Variants in NXPH1 observed in about 807,000 individuals in gnomAD.
NXPH1 encodes the protein neurexophilin-1.
NXPH1 carries 5 observed loss-of-function variants against 23.7 expected under a neutral mutation model. That is an observed-to-expected ratio of 0.21 (90% confidence interval 0.11 to 0.44). NXPH1 has a LOEUF of 0.44. Among genes scored for constraint, NXPH1 ranks in the 20% least tolerant of loss-of-function variants. NXPH1 has a pLI of 0.99. For synonymous variants in NXPH1, 144 were observed against 122.2 expected, an observed-to-expected ratio of 1.18 and a Z score of -1.18; for missense variants, 324 against 321.6, an observed-to-expected ratio of 1.01 and a Z score of -0.06.
intron 2 of NXPH1, among the ~76,000 whole-genome samples, chr7:8,687,444 T>G (rs956611151): frequency 1.3e-5 from 2 of 152,180 alleles, no homozygotes; most frequent in Non-Finnish European, 1.5e-5. Context: ...AAAGTCAACA[T>G]GTAGACATTT....
At chr7:8,671,692 A>C (rs1820871629) in intron 2 of NXPH1, among the ~76,000 whole-genome samples, 1 of 152,188 alleles carries the variant, frequency 6.6e-6, no homozygotes, top group African/African-American at 2.4e-5. Flanking sequence ...TTGTTCAGAA[A>C]AATTGGGTCT....
chr7:8,465,844 A>G (rs992563236), intron 2 of NXPH1, among the ~76,000 whole-genome samples: 27 of 152,194 alleles, frequency 1.8e-4, no homozygotes, highest in Non-Finnish European at 3.4e-4. Flanking sequence ...AACAGAAGTG[A>G]TGGTGTTGGC....
rs567574081 is a variant in NXPH1, at chr7:8,668,710, C to G, written c.55-82298C>G. Among the ~76,000 whole-genome samples the G allele has an allele frequency of 2.0e-5, 3 of 152,128 alleles. No homozygotes were observed. The East Asian group carries it at 5.8e-4, about 29-fold the overall frequency. The stretch of plus-strand genomic sequence containing the variant: ...AGGACCTGGGTCTACTAGAACAGGC[C>G]TGGAGCCTGAGTTCATAGGGTCTGG... On this transcript the variant is annotated intron_variant, in intron 2 of 2. Transcript: ENST00000405863.
At chr7:8,483,122 T>C (rs1817102306) in intron 2 of NXPH1, among the ~76,000 whole-genome samples, 5 of 152,114 alleles carry the variant, frequency 3.3e-5, no homozygotes, top group South Asian at 2.1e-4. Flanking sequence ...GTAACAGTTA[T>C]ATACTAGGTG....
chr7:8,642,483 G>A (rs1820332410), intron 2 of NXPH1, among the ~76,000 whole-genome samples: 1 of 151,994 alleles, frequency 6.6e-6, no homozygotes, highest in South Asian at 2.1e-4. Flanking sequence ...GATTTTTTGA[G>A]GATGAGGGTG....
intron 2 of NXPH1, among the ~76,000 whole-genome samples, chr7:8,715,931 A>G (rs1779868768): frequency 6.6e-6 from 1 of 150,686 alleles, no homozygotes; most frequent in South Asian, 2.1e-4. Flanking sequence ...GTATATTTAC[A>G]TATACATATA....
intron 2 of NXPH1, among the ~76,000 whole-genome samples, chr7:8,603,670 G>T (rs988141943): frequency 7.2e-5 from 11 of 151,822 alleles, no homozygotes; most frequent in Admixed American, 6.6e-5. Context: ...TACTGTTTTT[G>T]GTTGTTCTCT....
intron 2 of NXPH1, among the ~76,000 whole-genome samples, chr7:8,609,157 A>T (rs1194802443): frequency 2.0e-5 from 3 of 152,160 alleles, no homozygotes; most frequent in Non-Finnish European, 4.4e-5. Context: ...CCAAAGATAT[A>T]TCTCTGGCTT....
chr7:8,504,842 C>A (rs1218691371), intron 2 of NXPH1, among the ~76,000 whole-genome samples: 1 of 152,042 alleles, frequency 6.6e-6, no homozygotes, highest in Non-Finnish European at 1.5e-5. Flanking sequence ...CAACTGAAAA[C>A]CAGGAAGCAG....
chr7:8,749,446 C>T (rs1025188150), intron 2 of NXPH1, among the ~76,000 whole-genome samples: 9 of 152,156 alleles, frequency 5.9e-5, no homozygotes, highest in Non-Finnish European at 8.8e-5. Context: ...CTTTCAGTAA[C>T]AAGTGGTTGA....
chr7:8,739,242 C>T (rs1221474332), intron 2 of NXPH1, among the ~76,000 whole-genome samples: 3 of 148,790 alleles, frequency 2.0e-5, no homozygotes, highest in Non-Finnish European at 1.5e-5. Flanking sequence ...AATGGCCACC[C>T]AGTTCTTTGC....
chr7:8,610,068 T>C (rs1270596179), intron 2 of NXPH1, among the ~76,000 whole-genome samples: 2 of 152,180 alleles, frequency 1.3e-5, no homozygotes, highest in Non-Finnish European at 2.9e-5. Flanking sequence ...ATTCATAACA[T>C]TTTATTTTAA....
chr7:8,461,746 C>T (rs893785681), intron 2 of NXPH1, among the ~76,000 whole-genome samples: 12 of 145,184 alleles, frequency 8.3e-5, no homozygotes, highest in African/African-American at 2.6e-4. Context: ...AGGAGAATGG[C>T]GTGAACCCGG....
chr7:8,505,718 A>G (rs1193615274), intron 2 of NXPH1, among the ~76,000 whole-genome samples: 2 of 152,118 alleles, frequency 1.3e-5, no homozygotes, highest in Admixed American at 6.5e-5. Flanking sequence ...TGAACATTCA[A>G]TCATTCAATA....
intron 2 of NXPH1, among the ~76,000 whole-genome samples, chr7:8,448,128 C>T (rs1167830361): frequency 2.6e-5 from 4 of 152,202 alleles, no homozygotes; most frequent in Admixed American, 2.0e-4. Flanking sequence ...TTCCTTAATT[C>T]TGTGACTTTG....
At chr7:8,482,752 C>G (rs1817095854) in intron 2 of NXPH1, among the ~76,000 whole-genome samples, 1 of 152,094 alleles carries the variant, frequency 6.6e-6, no homozygotes, top group Admixed American at 6.5e-5. Flanking sequence ...ATGTTGAATC[C>G]TGTTTGCTGT....
chr7:8,458,114 G>A (rs182453173), intron 2 of NXPH1, among the ~76,000 whole-genome samples: 7 of 152,334 alleles, frequency 4.6e-5, no homozygotes, highest in Non-Finnish European at 8.8e-5. Flanking sequence ...TAGTGCAATT[G>A]AGATTTAATC....
At chr7:8,611,453 G>T (rs76808773) in intron 2 of NXPH1, among the ~76,000 whole-genome samples, 231 of 152,240 alleles carry the variant, frequency 1.5e-3, no homozygotes, top group Non-Finnish European at 2.8e-3. Flanking sequence ...CATAAAGTAA[G>T]AATATTGACA....
intron 2 of NXPH1, among the ~76,000 whole-genome samples, chr7:8,561,383 C>CACACACACACAT (rs1554256950): frequency 6.8e-6 from 1 of 147,116 alleles, no homozygotes; most frequent in Non-Finnish European, 1.5e-5. Flanking sequence ...CACACACACA[C>CACACACACACAT]CTCTCTCTCT....
Sources: allele counts gnomAD v4.1 joint callset (sites outside exome capture counted in the v4.1 genomes callset), GRCh38; gene constraint gnomAD v4.1.1; transcripts MANE v1.5; gene names NCBI Gene and HGNC (gene_info 2026-07-23, HGNC 2026-07-21).